Variants in KCTD21 observed in about 807,000 individuals in gnomAD.
KCTD21 encodes the protein potassium channel tetramerization domain containing 21.
A neutral mutation model predicts 13.2 loss-of-function variants in KCTD21; 9 were observed. The observed-to-expected ratio is 0.68, with a 90% confidence interval of 0.41 to 1.19. The LOEUF (loss-of-function observed/expected upper bound fraction) is 1.19. KCTD21 is among the 50% of genes most tolerant of loss of function. The pLI is 0.01. For missense variants in KCTD21, 303 were observed against 336.5 expected, an observed-to-expected ratio of 0.90 and a Z score of 0.78; for synonymous variants, 142 against 137.4, an observed-to-expected ratio of 1.03 and a Z score of -0.23.
chr11:78,183,914 C>T (rs943800458), intron 1 of KCTD21, among the ~76,000 whole-genome samples: 5 of 152,074 alleles, frequency 3.3e-5, no homozygotes, highest in Non-Finnish European at 5.9e-5. Flanking sequence ...GGATTACAGG[C>T]GTGAGCCACC....
rs115840292 is a variant in KCTD21, at chr11:78,186,139, G to A, written c.-30+2434C>T. 7.5e-3 allele frequency among the ~76,000 whole-genome samples: 1,134 copies of A among 151,626 alleles called. 15 individuals are homozygous for A. Among genetic ancestry groups the A allele is most frequent in the African/African-American group, 0.026 (1,074 of 41,322 alleles). On this transcript the variant is annotated intron_variant, in intron 1 of 1. Transcript: ENST00000340067. ...TGCCTGTAATCCCAGCACTTGGAAGGCCCAGGTGGGAGGATCGCTTGAGTT... is the reference window on the plus strand; with the variant it reads ...TGCCTGTAATCCCAGCACTTGGAAGACCCAGGTGGGAGGATCGCTTGAGTT...
intron 1 of KCTD21, chr11:78,187,724 T>C: frequency 1.0e-6 from 1 of 985,422 alleles, no homozygotes. Context: ...GAGGGCTGCC[T>C]TACAGGCTGT....
Position 78,172,794 on chromosome 11 carries a change from C to G in KCTD21, c.*978G>C, listed in dbSNP as rs970629321. 6.6e-6 allele frequency: 1 copy of G among 152,480 alleles called. No homozygotes were observed. The highest frequency in any genetic ancestry group is 1.5e-5 in the Non-Finnish European group (1 of 68,064). The allele number at this position is 152,480 out of a possible 1,614,324, so 9.4% of individuals were successfully genotyped here. A position where few individuals can be genotyped will look rare whatever the true frequency, so the allele number is the denominator to read the frequency against. On this transcript the variant is annotated 3_prime_UTR_variant, in exon 2 of 2. Coordinates refer to ENST00000340067, the MANE Select transcript of KCTD21 (RefSeq NM_001029859.3). Reference sequence around the variant, plus strand: ...AGCAGGAGCTGCCTTGGGGATGGCGCGCTTCCTATCAGCCAAGGTATGCAA... The same window carrying G: ...AGCAGGAGCTGCCTTGGGGATGGCGGGCTTCCTATCAGCCAAGGTATGCAA...
At chr11:78,177,838 A>G (rs1396508592) in intron 1 of KCTD21, 2 of 152,272 alleles carry the variant, frequency 1.3e-5, no homozygotes, top group Admixed American at 6.5e-5. Context: ...AAGTGCTCAG[A>G]GCATTACAGG....
chr11:78,171,695 ATCTGGG>A lies in KCTD21; in HGVS notation c.*2071_*2076del, dbSNP rs1362199015. ...CTCTCAGCTCACTGCAACCTCTGCT[ATCTGGG>A]TTCAAGCGATTCTACTGCCTCAGCC... On this transcript the variant is annotated 3_prime_UTR_variant, in exon 2 of 2. Coordinates refer to ENST00000340067, the MANE Select transcript of KCTD21 (RefSeq NM_001029859.3). The A allele has an allele frequency of 6.6e-6, 1 of 152,160 alleles. No individual in the cohort carries two copies. Among genetic ancestry groups the A allele is most frequent in the African/African-American group, 2.4e-5 (1 of 41,418 alleles). 9.4% of individuals were successfully genotyped at this position (152,160 alleles called of 1,614,324 possible). A position where few individuals can be genotyped will look rare whatever the true frequency, so the allele number is the denominator to read the frequency against.
chr11:78,183,149 G>A (rs1329089897), intron 1 of KCTD21, among the ~76,000 whole-genome samples: 2 of 152,158 alleles, frequency 1.3e-5, no homozygotes, highest in African/African-American at 2.4e-5. Flanking sequence ...AGAAACCAGG[G>A]CTTCCTGGAG....
intron 1 of KCTD21, among the ~76,000 whole-genome samples, chr11:78,181,738 G>C (rs1223034132): frequency 6.6e-6 from 1 of 151,954 alleles, no homozygotes; most frequent in Non-Finnish European, 1.5e-5. Flanking sequence ...TTGAGCCCAG[G>C]AGTTCAAGAC....
intron 1 of KCTD21, 200 bp from the exon 2 acceptor site, chr11:78,174,783 AG>A (rs1477979474): frequency 2.2e-6 from 1 of 461,128 alleles, no homozygotes; most frequent in Non-Finnish European, 3.8e-6. Context: ...GGAAAAGGAA[AG>A]GAAAAAGGAA....
At chr11:78,185,311 A>G (rs529999535) in intron 1 of KCTD21, among the ~76,000 whole-genome samples, 1 of 152,286 alleles carries the variant, frequency 6.6e-6, no homozygotes, top group Non-Finnish European at 1.5e-5. Context: ...AATTTTAAAA[A>G]TATTTGTATT....
At chr11:78,181,296 A>G (rs1862611051) in intron 1 of KCTD21, among the ~76,000 whole-genome samples, 1 of 152,272 alleles carries the variant, frequency 6.6e-6, no homozygotes, top group Non-Finnish European at 1.5e-5. Flanking sequence ...AAATTGCAGT[A>G]CATCCATACA....
chr11:78,178,585 C>G (rs2136997406), intron 1 of KCTD21, among the ~76,000 whole-genome samples: 1 of 152,258 alleles, frequency 6.6e-6, no homozygotes, highest in African/African-American at 2.4e-5. Flanking sequence ...AGCCTCAGTC[C>G]CCTATGTGTT....
At chr11:78,187,540 C>T (rs1565389188) in intron 1 of KCTD21, 2 of 985,310 alleles carry the variant, frequency 2.0e-6, no homozygotes, top group Non-Finnish European at 2.4e-6. Flanking sequence ...CATCCCCCAG[C>T]CCCTTCCAGA....
chr11:78,174,465 G>A lies in KCTD21; in HGVS notation c.90C>T (p.Gly30=), dbSNP rs760076914. ...TLTSFPDSML[G]AMFSGKMPTK... ...TGGGCATCTTCCCGCTGAACATGGC[G>A]CCTAGCATGGAGTCAGGGAAGCTGG... Residue 30 remains glycine, a synonymous_variant, in exon 2 of 2, where the codon GGC becomes GGT. Coordinates refer to ENST00000340067, the MANE Select transcript of KCTD21 (RefSeq NM_001029859.3). 32 of 1,613,966 alleles carry A rather than the reference G, an allele frequency of 2.0e-5. No homozygotes were observed. The highest frequency in any genetic ancestry group is 1.6e-4 in the Middle Eastern group (1 of 6,082).
intron 1 of KCTD21, among the ~76,000 whole-genome samples, chr11:78,182,636 G>A (rs1319475926): frequency 1.3e-5 from 2 of 152,160 alleles, no homozygotes; most frequent in African/African-American, 2.4e-5. Context: ...CATTGTCTTT[G>A]TTTCAAAGAC....
intron 1 of KCTD21, chr11:78,186,865 G>C (rs1488386007): frequency 2.0e-6 from 2 of 985,346 alleles, no homozygotes; most frequent in Non-Finnish European, 2.4e-6. Context: ...CTTTACTTAA[G>C]TAGATGGATG....
chr11:78,186,294 G>C (rs1490224785), intron 1 of KCTD21, among the ~76,000 whole-genome samples: 1 of 145,470 alleles, frequency 6.9e-6, no homozygotes, highest in African/African-American at 2.6e-5. Flanking sequence ...GATCGCTTGA[G>C]CCTGGGAGGT....
At chr11:78,181,439 G>A (rs1862616519) in intron 1 of KCTD21, among the ~76,000 whole-genome samples, 1 of 152,228 alleles carries the variant, frequency 6.6e-6, no homozygotes, top group African/African-American at 2.4e-5. Context: ...TCTGTATAAC[G>A]TTCTGGCAAA....
At position 78,188,577 on chromosome 11, in the gene KCTD21, T is replaced by A. The variant is rs1177519692; in HGVS notation, c.-34A>T. The A allele has an allele frequency of 1.0e-6, 1 of 985,686 alleles. No individual in the cohort carries two copies. Among genetic ancestry groups the A allele is most frequent in the Admixed American group, 6.1e-5 (1 of 16,292 alleles). The allele number at this position is 985,686 out of a possible 1,614,324, so 61.1% of individuals were successfully genotyped here. The stretch of plus-strand genomic sequence containing the variant: ...CCCCGGCCGTGCCGCACCCACCTCC[T>A]GCCCTCGCTCTGCAGCCTCTCCCTC... On this transcript the variant is annotated 5_prime_UTR_variant, in exon 1 of 2. Coordinates refer to ENST00000340067, the MANE Select transcript of KCTD21 (RefSeq NM_001029859.3).
chr11:78,186,371 CAAAAAAAAAAAAAAAAA>C lies in KCTD21; in HGVS notation c.-30+2185_-30+2201del, dbSNP rs57748403. 6.1e-3 allele frequency among the ~76,000 whole-genome samples: 280 copies of C among 45,822 alleles called. 2 individuals are homozygous for C. Among genetic ancestry groups the C allele is most frequent in the Admixed American group, 8.1e-3 (24 of 2,962 alleles). 30.1% of individuals were successfully genotyped at this position (45,822 alleles called of 152,430 possible). A position where few individuals can be genotyped will look rare whatever the true frequency, so the allele number is the denominator to read the frequency against. On this transcript the variant is annotated intron_variant, in intron 1 of 1. Transcript: ENST00000340067. ...TGGGCAACAGAGTAAGACCCTGTCT[CAAAAAAAAAAAAAAAAA>C]AAAAAAAAAAAAAAAAAAAGAAAAG...
Sources: gnomAD v4.1 joint callset for allele counts (sites outside exome capture counted in the v4.1 genomes callset) on GRCh38, gnomAD v4.1.1 for gene constraint, MANE v1.5 for transcripts, NCBI Gene and HGNC (gene_info 2026-07-23, HGNC 2026-07-21) for gene names.